Variants in NDUFC2 observed in about 807,000 individuals in gnomAD.
NDUFC2 encodes the protein NADH:ubiquinone oxidoreductase subunit C2, also known as NADH dehydrogenase [ubiquinone] 1 subunit C2.
Under a neutral mutation model 10.1 loss-of-function variants are expected in NDUFC2, and 2 were observed. The ratio of observed to expected loss-of-function variants is 0.20; its 90% confidence interval spans 0.08 to 0.62. NDUFC2 has a LOEUF of 0.62. NDUFC2 is among the 20% of genes least tolerant of loss of function. NDUFC2 has a pLI of 0.87. For missense variants in NDUFC2, 156 were observed against 159.6 expected (o/e 0.98, Z 0.12); for synonymous variants, 61 against 63.6 (o/e 0.96, Z 0.20).
chr11:78,077,505 A>G (rs1823963133), intron 1 of NDUFC2, among the ~76,000 whole-genome samples: 1 of 152,190 alleles, frequency 6.6e-6, no homozygotes, highest in African/African-American at 2.4e-5. Flanking sequence ...CGACCTGACC[A>G]TGTAACTTGC....
intron 1 of NDUFC2, among the ~76,000 whole-genome samples, chr11:78,074,856 G>C (rs1383849174): frequency 6.6e-6 from 1 of 152,200 alleles, no homozygotes; most frequent in East Asian, 1.9e-4. Flanking sequence ...CTGGACTGCA[G>C]AGACACACAG....
At position 78,068,904 on chromosome 11, in the gene NDUFC2, T is replaced by TTGTCACCCAGGCTGGAG. The variant is rs1267492042; in HGVS notation, c.*1066_*1082dup. The stretch of plus-strand genomic sequence containing the variant: ...ACTTTTTTTTTTGACGGGGTCTCCT[T>TTGTCACCCAGGCTGGAG]TGTCACCCAGGCTGGAGTGTCACCC... On this transcript the variant is annotated 3_prime_UTR_variant, in exon 3 of 3. Coordinates refer to ENST00000281031, the MANE Select transcript of NDUFC2 (RefSeq NM_004549.6). 6.6e-6 allele frequency: 1 copy of TTGTCACCCAGGCTGGAG among 152,000 alleles called. No individual in the cohort carries two copies. The highest frequency in any genetic ancestry group is 2.4e-5 in the African/African-American group (1 of 41,370). 9.4% of individuals were successfully genotyped at this position (152,000 alleles called of 1,614,324 possible).
Position 78,068,459 on chromosome 11 carries a change from C to T in NDUFC2, c.*1528G>A, listed in dbSNP as rs1323699494. ...GAAATCATTTGATTTTGCCCAGAAA[C>T]CATCTGCTTATATTTATAAGGCCAC... On this transcript the variant is annotated 3_prime_UTR_variant, in exon 3 of 3. Coordinates refer to ENST00000281031, the MANE Select transcript of NDUFC2 (RefSeq NM_004549.6). 2.6e-5 allele frequency: 4 copies of T among 152,166 alleles called. No individual in the cohort carries two copies. The highest frequency in any genetic ancestry group is 9.7e-5 in the African/African-American group (4 of 41,430). 9.4% of individuals were successfully genotyped at this position (152,166 alleles called of 1,614,324 possible). A position where few individuals can be genotyped will look rare whatever the true frequency, so the allele number is the denominator to read the frequency against.
chr11:78,078,728 C>CTTTTTTTTTTTTTGTTTTTTTTTTTTTTT (rs1859359436), intron 1 of NDUFC2, among the ~76,000 whole-genome samples: 1 of 61,642 alleles, frequency 1.6e-5, no homozygotes, highest in African/African-American at 6.2e-5. Context: ...TCAGGATCCG[C>CTTTTTTTTTTTTTGTTTTTTTTTTTTTTT]TTTTTTTTTT....
intron 1 of NDUFC2, among the ~76,000 whole-genome samples, chr11:78,078,728 C>CTTTGTTTTTTTTTTTTTT (rs1859358150): frequency 1.6e-5 from 1 of 61,640 alleles, no homozygotes; most frequent in Non-Finnish European, 3.0e-5. Flanking sequence ...TCAGGATCCG[C>CTTTGTTTTTTTTTTTTTT]TTTTTTTTTT....
At chr11:78,077,066 AG>A in intron 1 of NDUFC2, among the ~76,000 whole-genome samples, 1 of 152,304 alleles carries the variant, frequency 6.6e-6, no homozygotes, top group East Asian at 1.9e-4. Flanking sequence ...CCGAGGTGGC[AG>A]GATCACTTGA....
At position 78,068,592 on chromosome 11, in the gene NDUFC2, T is replaced by G. The variant is rs1858843678; in HGVS notation, c.*1395A>C. The G allele has an allele frequency of 6.6e-6, 1 of 152,132 alleles. No homozygotes were observed. The highest frequency in any genetic ancestry group is 2.4e-5 in the African/African-American group (1 of 41,418). 9.4% of individuals were successfully genotyped at this position (152,132 alleles called of 1,614,324 possible). ...ACAAGGTCAAGAGATTGAGACCATC[T>G]TGGCCAACATGGTGAAACCCCGTCT... On this transcript the variant is annotated 3_prime_UTR_variant, in exon 3 of 3. Coordinates refer to ENST00000281031, the MANE Select transcript of NDUFC2 (RefSeq NM_004549.6).
At chr11:78,073,665 G>GC in intron 1 of NDUFC2, among the ~76,000 whole-genome samples, 1 of 151,782 alleles carries the variant, frequency 6.6e-6, no homozygotes, top group South Asian at 2.1e-4. Context: ...AGCCAGATGT[G>GC]GTGGTGGGCA....
At chr11:78,071,055 C>A (rs1199812678) in intron 2 of NDUFC2, among the ~76,000 whole-genome samples, 4 of 152,106 alleles carry the variant, frequency 2.6e-5, no homozygotes, top group African/African-American at 7.2e-5. Context: ...CTATTCATGG[C>A]TTTGTGCTAG....
intron 2 of NDUFC2, among the ~76,000 whole-genome samples, chr11:78,072,291 C>T (rs998783998): frequency 1.3e-5 from 2 of 152,202 alleles, no homozygotes; most frequent in African/African-American, 4.8e-5. Flanking sequence ...GATTCTCCTG[C>T]CTCAGCCTCC....
At chr11:78,077,431 C>G (rs548625178) in intron 1 of NDUFC2, among the ~76,000 whole-genome samples, 9 of 152,318 alleles carry the variant, frequency 5.9e-5, no homozygotes, top group Non-Finnish European at 1.5e-5. Flanking sequence ...TCACTCAATT[C>G]TCACAACAAA....
In NDUFC2 at chr11:78,073,205, T is replaced by C. The variant is rs115571499; in HGVS notation, c.167-64A>G. On this transcript the variant is annotated intron_variant, in intron 1 of 2. Coordinates refer to ENST00000281031, the MANE Select transcript of NDUFC2 (RefSeq NM_004549.6). ...TAGTCCATGTGTATTAAGAGTTACATTTTTGGCTGGACGCAGTGGCTCACA... is the reference window on the plus strand; with the variant it reads ...TAGTCCATGTGTATTAAGAGTTACACTTTTGGCTGGACGCAGTGGCTCACA... 744 of 1,605,822 alleles carry C rather than the reference T, an allele frequency of 4.6e-4. 1 individual carries two copies. The African/African-American group carries it at 9.0e-3, about 19-fold the overall frequency.
intron 2 of NDUFC2, among the ~76,000 whole-genome samples, chr11:78,072,308 G>C (rs1165650339): frequency 6.6e-6 from 1 of 152,170 alleles, no homozygotes; most frequent in Non-Finnish European, 1.5e-5. Flanking sequence ...CTCCCAAGTA[G>C]CTGGGCTTAC....
At chr11:78,071,580 C>T (rs544861930) in intron 2 of NDUFC2, among the ~76,000 whole-genome samples, 23 of 152,216 alleles carry the variant, frequency 1.5e-4, no homozygotes, top group Non-Finnish European at 2.4e-4. Flanking sequence ...AAAAAACTGT[C>T]GTAGTAGTTA....
chr11:78,071,042 C>G (rs1858980340), intron 2 of NDUFC2, among the ~76,000 whole-genome samples: 1 of 152,142 alleles, frequency 6.6e-6, no homozygotes, highest in African/African-American at 2.4e-5. Context: ...CCCGATACAT[C>G]CACTATTCAT....
intron 2 of NDUFC2, among the ~76,000 whole-genome samples, chr11:78,072,057 A>C (rs1018437273): frequency 6.6e-6 from 1 of 152,262 alleles, no homozygotes; most frequent in African/African-American, 2.4e-5. Flanking sequence ...ATGGTAGATA[A>C]GAATGTGGGT....
In NDUFC2 at chr11:78,070,102, C is replaced by T. The variant is rs138394476; in HGVS notation, c.311-66G>A. ...TGTTTTAAAAATTGTATTTCCTAAA[C>T]GAAAATTAACACTCACTAATCTTAT... On this transcript the variant is annotated intron_variant, in intron 2 of 2. Transcript: ENST00000281031. 633 of 1,121,458 alleles carry T rather than the reference C, an allele frequency of 5.6e-4. No homozygotes were observed. In the African/African-American group the frequency reaches 8.6e-3, roughly 15 times the overall value. 69.5% of individuals were successfully genotyped at this position (1,121,458 alleles called of 1,614,324 possible).
chr11:78,075,827 A>C (rs545095165), intron 1 of NDUFC2, among the ~76,000 whole-genome samples: 2 of 152,108 alleles, frequency 1.3e-5, no homozygotes, highest in Admixed American at 1.3e-4. Context: ...GGCTCAAGCA[A>C]TCCTCCCACC....
Position 78,069,988 on chromosome 11 carries a change from C to T in NDUFC2, c.359G>A (p.Ter120=). ...ACTGGAGCAAGCATTTTGAAGACTT[C>T]AACGTATTGGATGGAATTTTTCAAA... ...EIFEKFHPIR[*] The change falls in exon 3 of 3, where the codon TGA becomes TAA. Residue 120 remains the stop codon, a stop_retained_variant. Coordinates refer to ENST00000281031, the MANE Select transcript of NDUFC2 (RefSeq NM_004549.6). 1 of 1,610,884 alleles carries T rather than the reference C, an allele frequency of 6.2e-7. No individual in the cohort carries two copies. Among genetic ancestry groups the T allele is most frequent in the Non-Finnish European group, 8.5e-7 (1 of 1,178,058 alleles).
Sources: allele counts gnomAD v4.1 joint callset (sites outside exome capture counted in the v4.1 genomes callset), GRCh38; gene constraint gnomAD v4.1.1; transcripts MANE v1.5; gene names NCBI Gene and HGNC (gene_info 2026-07-23, HGNC 2026-07-21).